The following ERG variants were observed in gnomAD, a reference collection of about 807,000 sequenced individuals.
The protein encoded by ERG is transcriptional regulator ERG.
In ERG, 9 loss-of-function variants were observed where a neutral mutation model predicts 55.3. The observed-to-expected ratio is 0.16, with a 90% CI of 0.10 to 0.28. The LOEUF (loss-of-function observed/expected upper bound fraction) is 0.28. ERG is among the 10% of genes least tolerant of loss of function. ERG has a pLI of 1.00. For synonymous variants in ERG, 223 were observed against 237.3 expected (o/e 0.94, Z 0.55); for missense variants, 434 against 631.6 (o/e 0.69, Z 3.35).
chr21:38,418,987 T>A (rs190346699), intron 3 of ERG, among the ~76,000 whole-genome samples: 1 of 142,948 alleles, frequency 7.0e-6, no homozygotes, highest in African/African-American at 2.6e-5. Flanking sequence ...CTAGTCAACC[T>A]CCAAATTAAG....
chr21:38,538,670 T>C (rs1435989229), intron 2 of ERG, among the ~76,000 whole-genome samples: 1 of 152,100 alleles, frequency 6.6e-6, no homozygotes, highest in Non-Finnish European at 1.5e-5. Flanking sequence ...GTAATTCCAT[T>C]ACATACCCTT....
intron 1 of ERG, among the ~76,000 whole-genome samples, chr21:38,581,231 G>A (rs193272400): frequency 2.0e-5 from 3 of 152,304 alleles, no homozygotes; most frequent in Admixed American, 6.5e-5. Flanking sequence ...TGGGCTGGGG[G>A]CAGTGCTCGA....
At chr21:38,468,666 C>T (rs770549929) in intron 1 of ERG, among the ~76,000 whole-genome samples, 22 of 152,228 alleles carry the variant, frequency 1.4e-4, no homozygotes, top group Admixed American at 7.2e-4. Flanking sequence ...CCTGCCATGT[C>T]GGTGAAAAGA....
chr21:38,641,513 C>A (rs946275120), intron 1 of ERG, among the ~76,000 whole-genome samples: 1 of 152,196 alleles, frequency 6.6e-6, no homozygotes, highest in Non-Finnish European at 1.5e-5. Flanking sequence ...TGCCCCTTCC[C>A]ACCACAGTCT....
intron 2 of ERG, among the ~76,000 whole-genome samples, chr21:38,514,771 T>C (rs1287190006): frequency 6.6e-6 from 1 of 151,922 alleles, no homozygotes; most frequent in Non-Finnish European, 1.5e-5. Context: ...GGAAATGAAA[T>C]GCAATGTTAA....
At chr21:38,493,380 C>T (rs2059353092) in intron 1 of ERG, among the ~76,000 whole-genome samples, 2 of 152,098 alleles carry the variant, frequency 1.3e-5, no homozygotes, top group African/African-American at 2.4e-5. Flanking sequence ...AAGAGCAGGA[C>T]AGGTAGGTAG....
intron 1 of ERG, among the ~76,000 whole-genome samples, chr21:38,458,650 C>G (rs1040132195): frequency 6.6e-6 from 1 of 152,170 alleles, no homozygotes; most frequent in Non-Finnish European, 1.5e-5. Flanking sequence ...TCTAGTTTCA[C>G]TCACGTCAGT....
At chr21:38,631,755 C>T (rs909704947) in intron 1 of ERG, among the ~76,000 whole-genome samples, 3 of 151,952 alleles carry the variant, frequency 2.0e-5, no homozygotes, top group South Asian at 2.1e-4. Flanking sequence ...TCTTGGTAGC[C>T]GTGACCCTCA....
intron 2 of ERG, among the ~76,000 whole-genome samples, chr21:38,433,839 CTT>C (rs1165565800): frequency 6.6e-6 from 1 of 152,226 alleles, no homozygotes; most frequent in East Asian, 1.9e-4. Flanking sequence ...ATGTCTTCTT[CTT>C]TGAGTCAGTG....
intron 1 of ERG, among the ~76,000 whole-genome samples, chr21:38,607,331 T>C (rs6517473): frequency 0.072 from 10,880 of 152,010 alleles, 694 homozygotes; most frequent in African/African-American, 0.17. Context: ...AGGAAAAAAA[T>C]GAAATTCAAA....
rs1490101939 is a variant in ERG at position 38,391,769 on chromosome 21, T to C, written c.815-54A>G. 5.8e-6 allele frequency: 8 copies of C among 1,372,630 alleles called. No homozygotes were observed. The Admixed American group carries it at 8.7e-5, about 15-fold the overall frequency. 85.0% of individuals were successfully genotyped at this position (1,372,630 alleles called of 1,614,324 possible). On this transcript the variant is annotated intron_variant, in intron 7 of 9. Transcript: ENST00000288319. The stretch of plus-strand genomic sequence containing the variant: ...TAGCTATAACAGATTTGGTCACTAG[T>C]CTTTGATGTTGTTGCATAATCATTC...
downstream of ERG, among the ~76,000 whole-genome samples, chr21:38,375,597 CA>C (rs1875739879): frequency 6.6e-6 from 1 of 152,130 alleles, no homozygotes; most frequent in African/African-American, 2.4e-5. Context: ...CACCGTGGAA[CA>C]AAAACTGAGA....
chr21:38,493,483 A>C (rs965398753), intron 1 of ERG, among the ~76,000 whole-genome samples: 24 of 152,188 alleles, frequency 1.6e-4, no homozygotes, highest in African/African-American at 5.1e-4. Context: ...ATTTATATTG[A>C]CTTTGTGATG....
intron 2 of ERG, among the ~76,000 whole-genome samples, chr21:38,542,669 G>A (rs978601780): frequency 3.9e-5 from 6 of 152,126 alleles, no homozygotes; most frequent in African/African-American, 9.7e-5. Flanking sequence ...CATGGCTAAC[G>A]AAATGCATTT....
At chr21:38,654,711 A>G (rs961572520) in intron 1 of ERG, among the ~76,000 whole-genome samples, 5 of 152,224 alleles carry the variant, frequency 3.3e-5, no homozygotes, top group African/African-American at 1.2e-4. Context: ...GGGGTCAAAT[A>G]GACTAGAAAG....
intron 1 of ERG, among the ~76,000 whole-genome samples, chr21:38,602,844 T>A (rs1233852831): frequency 6.6e-6 from 1 of 151,696 alleles, no homozygotes; most frequent in Non-Finnish European, 1.5e-5. Context: ...CGCCAAGAGC[T>A]GGTGGAGTCC....
chr21:38,544,654 C>G (rs532594577), intron 2 of ERG, among the ~76,000 whole-genome samples: 8 of 152,188 alleles, frequency 5.3e-5, no homozygotes, highest in African/African-American at 1.9e-4. Context: ...ACCGTAAAAT[C>G]AAGCCAACCA....
chr21:38,380,586 A>G lies in ERG; in HGVS notation c.*2817T>C. The G allele has an allele frequency of 9.4e-7, 1 of 1,065,782 alleles. No individual in the cohort carries two copies. Among genetic ancestry groups the G allele is most frequent in the Non-Finnish European group, 1.1e-6 (1 of 879,570 alleles). The allele number at this position is 1,065,782 out of a possible 1,614,324, so 66.0% of individuals were successfully genotyped here. ...ACAAACAGAGAGAAAAGGTTCATGC[A>G]ATTATGAATATGACCTGGAGGGGGC... On this transcript the variant is annotated 3_prime_UTR_variant, in exon 10 of 10. Transcript: ENST00000288319.
chr21:38,470,839 T>C (rs1476690056), intron 1 of ERG: 2 of 152,236 alleles, frequency 1.3e-5, no homozygotes, highest in South Asian at 2.1e-4. Context: ...TGTGTGCATT[T>C]TGAGTTGAAA....
Sources: gnomAD v4.1 joint callset for allele counts (sites outside exome capture counted in the v4.1 genomes callset) on GRCh38, gnomAD v4.1.1 for gene constraint, MANE v1.5 for transcripts, NCBI Gene and HGNC (gene_info 2026-07-23, HGNC 2026-07-21) for gene names.